Variants in RAB18 observed in about 807,000 individuals in gnomAD.
The protein encoded by RAB18 is ras-related protein Rab-18.
RAB18 carries 10 observed loss-of-function variants against 28.5 expected under a neutral mutation model. The ratio of observed to expected loss-of-function variants is 0.35; its 90% CI spans 0.22 to 0.60. The LOEUF is 0.60. RAB18 is among the 20% of genes least tolerant of loss of function. The pLI is 0.78. For synonymous variants in RAB18, 93 were observed against 86.9 expected (o/e 1.07, Z -0.39); for missense variants, 188 against 244.2 (o/e 0.77, Z 1.53).
At chr10:27,511,458 G>A (rs375785572) in intron 2 of RAB18, among the ~76,000 whole-genome samples, 1 of 151,896 alleles carries the variant, frequency 6.6e-6, no homozygotes, top group Non-Finnish European at 1.5e-5. Context: ...TACCCACCTC[G>A]GCCTCCCAAA....
chr10:27,538,302 A>G lies in RAB18; in HGVS notation c.*251A>G. ...TACCTTTATAAGTACATTCAATTTT[A>G]TGATTTACATTTATCATGTAATTTT... On this transcript the variant is annotated 3_prime_UTR_variant, in exon 7 of 7. Transcript: ENST00000356940. 1 of 602,362 alleles carries G rather than the reference A, an allele frequency of 1.7e-6. No individual in the cohort carries two copies. The highest frequency in any genetic ancestry group is 3.1e-6 in the Non-Finnish European group (1 of 323,966). 37.3% of individuals were successfully genotyped at this position (602,362 alleles called of 1,614,324 possible).
In RAB18 at chr10:27,530,653, C is replaced by T. The variant is rs550017881; in HGVS notation, c.187-1854C>T. Among the ~76,000 whole-genome samples the T allele has an allele frequency of 2.1e-3, 318 of 151,892 alleles. 1 individual carries two copies. The highest frequency in any genetic ancestry group is 3.7e-3 in the Non-Finnish European group (254 of 67,794). ...TGAATCAGATTGTCTGAAATAGGTACTAGTACAAGGCTATGAAGAGCATTT... is the reference window on the plus strand; with the variant it reads ...TGAATCAGATTGTCTGAAATAGGTATTAGTACAAGGCTATGAAGAGCATTT... On this transcript the variant is annotated intron_variant, in intron 3 of 6. Coordinates refer to ENST00000356940, the MANE Select transcript of RAB18 (RefSeq NM_021252.5).
At position 27,541,871 on chromosome 10, in the gene RAB18, G is replaced by T. The variant is rs1835044580; in HGVS notation, c.*3820G>T. 2.2e-6 allele frequency: 1 copy of T among 453,580 alleles called. No individual in the cohort carries two copies. The highest frequency in any genetic ancestry group is 4.4e-6 in the Non-Finnish European group (1 of 226,710). The allele number at this position is 453,580 out of a possible 1,614,324, so 28.1% of individuals were successfully genotyped here. ...AAACAATTGGCATGTGGTTTGGGTG[G>T]CATTGTCACACCCTCGGCTTTCTAG... On this transcript the variant is annotated 3_prime_UTR_variant, in exon 7 of 7. Transcript: ENST00000356940.
At chr10:27,526,494 GTCT>G (rs1383079005) in intron 2 of RAB18, among the ~76,000 whole-genome samples, 2 of 152,180 alleles carry the variant, frequency 1.3e-5, no homozygotes, top group African/African-American at 4.8e-5. Context: ...GCCATGGATA[GTCT>G]TCTTTATGTG....
intron 1 of RAB18, chr10:27,505,158 G>A (rs753660812): frequency 5.6e-6 from 3 of 532,530 alleles, no homozygotes; most frequent in Non-Finnish European, 1.2e-5. Flanking sequence ...TTTCCTTGGG[G>A]AAAATAATAT....
In RAB18 at chr10:27,538,342, T is replaced by C; in HGVS notation, c.*291T>C. 1.9e-6 allele frequency: 1 copy of C among 516,286 alleles called. No individual in the cohort carries two copies. Among genetic ancestry groups the C allele is most frequent in the Non-Finnish European group, 3.7e-6 (1 of 268,532 alleles). The allele number at this position is 516,286 out of a possible 1,614,324, so 32.0% of individuals were successfully genotyped here. The stretch of plus-strand genomic sequence containing the variant: ...CATGTAATTTTTAAAAAAATCCATC[T>C]ATCTAGGATATGTTGATACAAAGTC... On this transcript the variant is annotated 3_prime_UTR_variant, in exon 7 of 7. Transcript: ENST00000356940.
In RAB18 at chr10:27,504,354, G is replaced by A; in HGVS notation, c.-16G>A. Reference sequence around the variant, plus strand: ...ACCCGGGCGGCCAGCTGGGCTCGGAGCGGAACGGGGTCAGGATGGACGAGG... The same window carrying A: ...ACCCGGGCGGCCAGCTGGGCTCGGAACGGAACGGGGTCAGGATGGACGAGG... On this transcript the variant is annotated 5_prime_UTR_variant, in exon 1 of 7. Transcript: ENST00000356940. 1 of 1,570,446 alleles carries A rather than the reference G, an allele frequency of 6.4e-7. No homozygotes were observed. The highest frequency in any genetic ancestry group is 8.6e-7 in the Non-Finnish European group (1 of 1,158,514).
rs183252579 is a variant in RAB18 at position 27,540,378 on chromosome 10, T to C, written c.*2327T>C. ...ATTCCAGTCATGGCATTTTTACTTC[T>C]GAGCCCATACTCTTCACCATCGCTC... On this transcript the variant is annotated 3_prime_UTR_variant, in exon 7 of 7. Transcript: ENST00000356940. The C allele has an allele frequency of 2.7e-3, 1,213 of 454,104 alleles. 15 individuals carry two copies. Among genetic ancestry groups the C allele is most frequent in the African/African-American group, 0.022 (1,106 of 50,128 alleles). The allele number at this position is 454,104 out of a possible 1,614,324, so 28.1% of individuals were successfully genotyped here.
At chr10:27,530,458 T>A (rs2132403561) in intron 3 of RAB18, among the ~76,000 whole-genome samples, 1 of 151,816 alleles carries the variant, frequency 6.6e-6, no homozygotes, top group South Asian at 2.1e-4. Flanking sequence ...AGATAGTCTG[T>A]ACTACTAAAA....
At chr10:27,504,680 A>G (rs774896362) in intron 1 of RAB18, 1 of 728,272 alleles carries the variant, frequency 1.4e-6, no homozygotes, top group Non-Finnish European at 2.6e-6. Context: ...TCCCTCCTGT[A>G]GCGCCGAGAA....
Position 27,504,358 on chromosome 10 carries a change from A to G in RAB18, c.-12A>G. On this transcript the variant is annotated 5_prime_UTR_variant, in exon 1 of 7. Transcript: ENST00000356940. ...GGGCGGCCAGCTGGGCTCGGAGCGGAACGGGGTCAGGATGGACGAGGACGT... is the reference window on the plus strand; with the variant it reads ...GGGCGGCCAGCTGGGCTCGGAGCGGGACGGGGTCAGGATGGACGAGGACGT... The G allele has an allele frequency of 6.4e-7, 1 of 1,571,872 alleles. No homozygotes were observed. Among genetic ancestry groups the G allele is most frequent in the Non-Finnish European group, 8.6e-7 (1 of 1,159,216 alleles).
At chr10:27,516,346 A>G (rs573904695) in intron 2 of RAB18, among the ~76,000 whole-genome samples, 161 of 152,108 alleles carry the variant, frequency 1.1e-3, no homozygotes, top group Non-Finnish European at 2.1e-3. Context: ...ACTGAAGGTC[A>G]GGAGTTCGAG....
intron 2 of RAB18, among the ~76,000 whole-genome samples, chr10:27,522,792 T>G (rs1181388749): frequency 6.6e-6 from 1 of 152,150 alleles, no homozygotes; most frequent in Non-Finnish European, 1.5e-5. Context: ...TTGTCAAATT[T>G]ATTGGCATAA....
intron 1 of RAB18, among the ~76,000 whole-genome samples, chr10:27,506,412 C>T (rs571017835): frequency 2.6e-5 from 4 of 152,096 alleles, no homozygotes; most frequent in Non-Finnish European, 4.4e-5. Context: ...GTCTCAATCT[C>T]CTGGGCTCAA....
At chr10:27,507,687 G>T (rs1182766354) in intron 1 of RAB18, among the ~76,000 whole-genome samples, 2 of 151,790 alleles carry the variant, frequency 1.3e-5, no homozygotes, top group African/African-American at 2.4e-5. Context: ...TTCTGCATGG[G>T]AAACATTTTG....
At chr10:27,532,424 G>T in intron 3 of RAB18, 83 bp from the exon 4 acceptor site, 1 of 1,007,942 alleles carries the variant, frequency 9.9e-7, no homozygotes. Flanking sequence ...TTTTAGTAAT[G>T]CTGTTTGACT....
chr10:27,541,857 A>T lies in RAB18; in HGVS notation c.*3806A>T, dbSNP rs559701598. 1 of 440,728 alleles carries T rather than the reference A, an allele frequency of 2.3e-6. No individual in the cohort carries two copies. Among genetic ancestry groups the T allele is most frequent in the Non-Finnish European group, 4.5e-6 (1 of 222,646 alleles). The allele number at this position is 440,728 out of a possible 1,614,324, so 27.3% of individuals were successfully genotyped here. A position where few individuals can be genotyped will look rare whatever the true frequency, so the allele number is the denominator to read the frequency against. On this transcript the variant is annotated 3_prime_UTR_variant, in exon 7 of 7. Transcript: ENST00000356940. ...ACCCCCACCCCTGCAAACAATTGGC[A>T]TGTGGTTTGGGTGGCATTGTCACAC...
At chr10:27,521,733 A>G (rs1834557288) in intron 2 of RAB18, among the ~76,000 whole-genome samples, 1 of 152,176 alleles carries the variant, frequency 6.6e-6, no homozygotes. Context: ...AAAAAACTAC[A>G]CATTGGGTAC....
intron 2 of RAB18, among the ~76,000 whole-genome samples, chr10:27,521,251 A>G (rs1011413894): frequency 6.6e-6 from 1 of 152,088 alleles, no homozygotes; most frequent in Admixed American, 6.6e-5. Flanking sequence ...CTTGAAAAAA[A>G]TTTGTTGTTA....
Sources: allele counts gnomAD v4.1 joint callset (sites outside exome capture counted in the v4.1 genomes callset), GRCh38; gene constraint gnomAD v4.1.1; transcripts MANE v1.5; gene names NCBI Gene and HGNC (gene_info 2026-07-23, HGNC 2026-07-21).